CERS3: variants seen among roughly 807,000 people sequenced by gnomAD.
CERS3 encodes LAG1 homolog, ceramide synthase 3.
Under a neutral mutation model 50.3 loss-of-function variants are expected in CERS3, and 33 were observed. That is an observed-to-expected ratio of 0.66 (90% CI 0.50 to 0.88). The LOEUF is 0.88. Among genes scored for constraint, CERS3 ranks in the 40% least tolerant of loss-of-function variants. The pLI is 0.00. For missense variants in CERS3, 470 were observed against 460.3 expected, an observed-to-expected ratio of 1.02 and a Z score of -0.19; for synonymous variants, 176 against 155.2, an observed-to-expected ratio of 1.13 and a Z score of -0.99.
At chr15:100,419,428 A>G (rs1163817454) in intron 11 of CERS3, among the ~76,000 whole-genome samples, 1 of 133,168 alleles carries the variant, frequency 7.5e-6, no homozygotes, top group African/African-American at 2.8e-5. Flanking sequence ...CCAGATTCAT[A>G]AAGCAAGTCC....
rs1164259377 is a variant in CERS3 at position 100,402,712 on chromosome 15, G to A, written c.*1C>T. 2 of 1,613,664 alleles carry A rather than the reference G, an allele frequency of 1.2e-6. No individual in the cohort carries two copies. Among genetic ancestry groups the A allele is most frequent in the Non-Finnish European group, 1.7e-6 (2 of 1,179,944 alleles). ...GCCATGGGAGTCCTGTAGGCTTCCA[G>A]CTAATGGCCATGCTGGCCATTGGGA... On this transcript the variant is annotated 3_prime_UTR_variant, in exon 12 of 12. Coordinates refer to ENST00000679737, the MANE Select transcript of CERS3 (RefSeq NM_001378789.1).
In CERS3 at chr15:100,508,385, GA is replaced by G. The variant is rs1014325222; in HGVS notation, c.-1-6536del. Among the ~76,000 whole-genome samples the G allele has an allele frequency of 8.0e-4, 122 of 151,830 alleles. 10 individuals are homozygous for G. The highest frequency in any genetic ancestry group is 1.5e-5 in the Non-Finnish European group (1 of 67,964). On this transcript the variant is annotated intron_variant, in intron 2 of 11. Coordinates refer to ENST00000679737, the MANE Select transcript of CERS3 (RefSeq NM_001378789.1). ...AGCCTTAAAAAGATGCTTGGTAGAT[GA>G]AAAAAAACATATCACCTATACTGTC... is the stretch of plus-strand genomic sequence containing the variant.
intron 6 of CERS3, 59 bp downstream of exon 6, chr15:100,479,930 G>C: frequency 7.7e-7 from 1 of 1,304,034 alleles, no homozygotes. Flanking sequence ...GGAATTCACA[G>C]ACAAGAATTT....
At chr15:100,443,832 G>A (rs868283259) in intron 11 of CERS3, among the ~76,000 whole-genome samples, 2 of 152,084 alleles carry the variant, frequency 1.3e-5, no homozygotes, top group African/African-American at 2.4e-5. Flanking sequence ...TCCTAGGCAC[G>A]GTTAGATACT....
chr15:100,453,201 A>C (rs903703519), intron 11 of CERS3, among the ~76,000 whole-genome samples: 8 of 152,202 alleles, frequency 5.3e-5, no homozygotes, highest in Admixed American at 1.3e-4. Context: ...CAACAACAAA[A>C]AAATACTACA....
intron 1 of CERS3, among the ~76,000 whole-genome samples, chr15:100,540,832 C>A (rs1246087520): frequency 6.6e-6 from 1 of 152,180 alleles, no homozygotes; most frequent in Non-Finnish European, 1.5e-5. Flanking sequence ...GTGGATAACA[C>A]ACTCTTATCT....
intron 1 of CERS3, among the ~76,000 whole-genome samples, chr15:100,522,896 T>C (rs1407135314): frequency 6.6e-6 from 1 of 152,200 alleles, no homozygotes; most frequent in Non-Finnish European, 1.5e-5. Flanking sequence ...GTTTAACAGA[T>C]ATTGCTGAAC....
chr15:100,483,548 AT>A (rs2035379849), intron 5 of CERS3, among the ~76,000 whole-genome samples: 1 of 152,120 alleles, frequency 6.6e-6, no homozygotes, highest in Admixed American at 6.5e-5. Flanking sequence ...ATATTACTCA[AT>A]TTAAGGATCC....
At chr15:100,501,959 G>T in intron 2 of CERS3, 109 bp from the exon 3 acceptor site, 1 of 1,179,554 alleles carries the variant, frequency 8.5e-7, no homozygotes, top group South Asian at 1.5e-5. Context: ...AGAAAATAAG[G>T]CAAGAGGCCT....
intron 9 of CERS3, among the ~76,000 whole-genome samples, chr15:100,471,666 G>GA (rs957617274): frequency 2.6e-4 from 40 of 152,216 alleles, no homozygotes; most frequent in African/African-American, 9.1e-4. Flanking sequence ...GCACCATACA[G>GA]AAAAAAACGG....
At chr15:100,463,290 C>G (rs1276611313) in intron 10 of CERS3, among the ~76,000 whole-genome samples, 1 of 151,844 alleles carries the variant, frequency 6.6e-6, no homozygotes, top group East Asian at 1.9e-4. Flanking sequence ...CAAAAATTAG[C>G]TGGGTGTGGT....
intron 8 of CERS3, among the ~76,000 whole-genome samples, chr15:100,473,537 A>G (rs1003194726): frequency 6.6e-6 from 1 of 152,248 alleles, no homozygotes; most frequent in Non-Finnish European, 1.5e-5. Flanking sequence ...TGGCCAATTC[A>G]CACATGAAAG....
rs111597647 is a variant in CERS3, at chr15:100,505,602, T to C, written c.-1-3752A>G. ...CCATTCTTCACATCATACTCAAAAA[T>C]GAAAACAAAGCACAGATCTAAATAT... On this transcript the variant is annotated intron_variant, in intron 2 of 11. Coordinates refer to ENST00000679737, the MANE Select transcript of CERS3 (RefSeq NM_001378789.1). Among the ~76,000 whole-genome samples, 409 of 152,292 alleles carry C rather than the reference T, an allele frequency of 2.7e-3. 6 individuals are homozygous for C. Among genetic ancestry groups the C allele is most frequent in the African/African-American group, 9.4e-3 (390 of 41,550 alleles).
rs150043799 is a variant in CERS3, at chr15:100,541,243, G to A, written c.-355+3408C>T. 5.1e-3 allele frequency among the ~76,000 whole-genome samples: 782 copies of A among 152,280 alleles called. 2 individuals carry two copies. The highest frequency in any genetic ancestry group is 0.01 in the Middle Eastern group (3 of 294). The stretch of plus-strand genomic sequence containing the variant: ...GTTGGTTAAGCAGTGTCCCTCAGGC[G>A]GGTGGATCACCTGAGGTTGGGAGTT... On this transcript the variant is annotated intron_variant, in intron 1 of 12. Coordinates refer to the CERS3 transcript ENST00000284382.
chr15:100,490,927 C>T lies in CERS3; in HGVS notation c.178G>A (p.Val60Ile), dbSNP rs148139207. The change falls in exon 4 of 12, where the codon GTT (valine) becomes ATT (isoleucine). Residue 60 changes from valine to isoleucine, a missense_variant. Val to Ile is a conservative substitution (Grantham distance 29). Transcript: ENST00000679737. Reference protein sequence around the residue: ...LIIRRVFEKFVASPLAKSFGI... With the variant: ...LIIRRVFEKFIASPLAKSFGI... ...AATGATTTTGCTAGAGGTGAAGCAA[C>T]AAATCTACAAAAATATGAAAAGAAA... is the stretch of plus-strand genomic sequence containing the variant. The T allele has an allele frequency of 4.9e-3, 7,692 of 1,568,852 alleles. 24 individuals carry two copies. The highest frequency in any genetic ancestry group is 6.1e-3 in the Non-Finnish European group (7,033 of 1,153,102).
intron 3 of CERS3, among the ~76,000 whole-genome samples, chr15:100,495,396 T>C (rs1390927130): frequency 6.6e-6 from 1 of 152,194 alleles, no homozygotes; most frequent in African/African-American, 2.4e-5. Context: ...TTCTCAATTC[T>C]GAAAAAAACT....
At chr15:100,537,646 C>G (rs1396477657) in intron 1 of CERS3, among the ~76,000 whole-genome samples, 1 of 152,118 alleles carries the variant, frequency 6.6e-6, no homozygotes, top group Non-Finnish European at 1.5e-5. Context: ...GGGAAACTGC[C>G]CTCATGATTC....
At chr15:100,440,760 G>A (rs1335583218) in intron 11 of CERS3, among the ~76,000 whole-genome samples, 2 of 152,352 alleles carry the variant, frequency 1.3e-5, no homozygotes, top group Non-Finnish European at 2.9e-5. Flanking sequence ...AATCCGGTAA[G>A]CGGCCTCTTT....
At chr15:100,408,975 G>T (rs76173543) in intron 11 of CERS3, among the ~76,000 whole-genome samples, 3,021 of 152,242 alleles carry the variant, frequency 0.02, 96 homozygotes, top group African/African-American at 0.068. Flanking sequence ...AGGTACACAG[G>T]ATGAAAAGCC....
Sources: allele counts gnomAD v4.1 joint callset (sites outside exome capture counted in the v4.1 genomes callset), GRCh38; gene constraint gnomAD v4.1.1; transcripts MANE v1.5; gene names NCBI Gene and HGNC (gene_info 2026-07-23, HGNC 2026-07-21).